The following IQCM variants were observed in gnomAD, a reference collection of about 807,000 sequenced individuals.
The protein encoded by IQCM is IQ motif containing M, also known as IQ domain-containing protein M.
Under a neutral mutation model 57.6 loss-of-function variants are expected in IQCM, and 45 were observed. The observed-to-expected ratio is 0.78, with a 90% CI of 0.62 to 1.00. The LOEUF is 1.00. Ranked by LOEUF, IQCM falls within the 50% of genes least tolerant of loss-of-function variation. The pLI is 0.00. For synonymous variants in IQCM, 148 were observed against 158.9 expected (o/e 0.93, Z 0.51); for missense variants, 468 against 511.6 (o/e 0.91, Z 0.82).
intron 12 of IQCM, among the ~76,000 whole-genome samples, chr4:149,533,199 T>C (rs1442533649): frequency 6.6e-6 from 1 of 152,186 alleles, no homozygotes; most frequent in Non-Finnish European, 1.5e-5. Flanking sequence ...ATGTGTCATT[T>C]GTTAATGTTT....
chr4:149,714,079 G>C (rs562951407), intron 5 of IQCM, among the ~76,000 whole-genome samples: 1 of 152,144 alleles, frequency 6.6e-6, no homozygotes, highest in South Asian at 2.1e-4. Context: ...AAAATAGTAG[G>C]TGTCAAGGTC....
At chr4:149,788,600 A>G (rs1174662522) in intron 2 of IQCM, among the ~76,000 whole-genome samples, 1 of 152,208 alleles carries the variant, frequency 6.6e-6, no homozygotes, top group East Asian at 1.9e-4. Flanking sequence ...TGCTCAAAAA[A>G]TTAAAAATAG....
In IQCM at chr4:149,351,771, AAATG is replaced by A. The variant is rs1187618917; in HGVS notation, c.*176_*179del. On this transcript the variant is annotated 3_prime_UTR_variant, in exon 14 of 14. Coordinates refer to ENST00000636793, the MANE Select transcript of IQCM (RefSeq NM_001363507.2). ...AGAGATGTTTTTTATGAAGGAGATC[AAATG>A]AATGGTGTTCATCCAAAAATACTAG... 5.2e-6 allele frequency: 2 copies of A among 384,140 alleles called. No individual in the cohort carries two copies. Among genetic ancestry groups the A allele is most frequent in the Non-Finnish European group, 4.6e-6 (1 of 217,950 alleles). 23.8% of individuals were successfully genotyped at this position (384,140 alleles called of 1,614,324 possible). A position where few individuals can be genotyped will look rare whatever the true frequency, so the allele number is the denominator to read the frequency against.
At chr4:149,597,365 G>A (rs903042310) in intron 8 of IQCM, among the ~76,000 whole-genome samples, 2 of 151,966 alleles carry the variant, frequency 1.3e-5, no homozygotes, top group South Asian at 2.1e-4. Context: ...GATTTATAAA[G>A]TTTTTTCTTG....
rs1748493801 is a variant in IQCM at position 149,546,853 on chromosome 4, T to G, written c.1228+1602A>C. ...GATCCCATTTGTCAATTTTGGCTTT[T>G]GTTGCCATTGCTTTTGGTGTTTTAG... is the stretch of plus-strand genomic sequence containing the variant. On this transcript the variant is annotated intron_variant, in intron 12 of 13. Transcript: ENST00000636793. 3.9e-5 allele frequency among the ~76,000 whole-genome samples: 6 copies of G among 152,196 alleles called. 1 individual carries two copies. The South Asian group carries it at 1.2e-3, about 32-fold the overall frequency.
intron 2 of IQCM, among the ~76,000 whole-genome samples, chr4:149,774,157 T>C (rs929676157): frequency 6.6e-6 from 1 of 152,170 alleles, no homozygotes; most frequent in Non-Finnish European, 1.5e-5. Context: ...CCAAGGTTTA[T>C]TTACAGAAAA....
intron 13 of IQCM, among the ~76,000 whole-genome samples, chr4:149,393,630 A>G (rs1213858587): frequency 6.6e-6 from 1 of 151,970 alleles, no homozygotes; most frequent in East Asian, 1.9e-4. Context: ...AAGAGATTTT[A>G]AAAGGATTAA....
At chr4:149,536,310 C>T (rs1453184676) in intron 12 of IQCM, among the ~76,000 whole-genome samples, 2 of 151,948 alleles carry the variant, frequency 1.3e-5, no homozygotes, top group African/African-American at 2.4e-5. Context: ...AATGATCAGA[C>T]GTATTTTAGT....
chr4:149,576,045 C>G (rs1561010859), intron 9 of IQCM, among the ~76,000 whole-genome samples: 1 of 151,790 alleles, frequency 6.6e-6, no homozygotes, highest in Admixed American at 6.6e-5. Context: ...TGCAGGAGCA[C>G]TACTTATTAT....
chr4:149,433,291 T>A, intron 13 of IQCM, 105 bp downstream of exon 13: 1 of 502,244 alleles, frequency 2.0e-6, no homozygotes, highest in Non-Finnish European at 3.1e-6. Context: ...TTCTATAAGA[T>A]CTATGTATCA....
At chr4:149,594,390 A>G (rs1753548386) in intron 8 of IQCM, among the ~76,000 whole-genome samples, 1 of 151,934 alleles carries the variant, frequency 6.6e-6, no homozygotes, top group Non-Finnish European at 1.5e-5. Context: ...AATTTTGTTG[A>G]TCTTTTCAAA....
intron 7 of IQCM, among the ~76,000 whole-genome samples, chr4:149,636,980 A>G (rs1240241730): frequency 6.6e-6 from 1 of 151,522 alleles, no homozygotes; most frequent in African/African-American, 2.4e-5. Context: ...CGCCTCTACT[A>G]AAAATACAAA....
intron 13 of IQCM, among the ~76,000 whole-genome samples, chr4:149,358,880 A>ATATACTCTCATGAGTATATCAT: frequency 1.6e-3 from 238 of 150,880 alleles, no homozygotes; most frequent in Non-Finnish European, 1.7e-3. Flanking sequence ...GTATATCATG[A>ATATACTCTCATGAGTATATCAT]GACCACAGTG....
intron 12 of IQCM, among the ~76,000 whole-genome samples, chr4:149,524,944 T>C (rs1746014416): frequency 6.6e-6 from 1 of 151,736 alleles, no homozygotes; most frequent in African/African-American, 2.4e-5. Flanking sequence ...TACCATAAAG[T>C]ACCACTATTA....
intron 12 of IQCM, among the ~76,000 whole-genome samples, chr4:149,445,706 C>G (rs1205755967): frequency 1.3e-5 from 2 of 151,730 alleles, no homozygotes; most frequent in Admixed American, 6.6e-5. Flanking sequence ...CCTTTCATAA[C>G]GGCTAACAGC....
In IQCM at chr4:149,634,755, T is replaced by C. The variant is rs148667564; in HGVS notation, c.566-13511A>G. ...CACGGACATTAGAACAATTACTATA[T>C]ATTAGTTCATATTAATAAGTTGTTA... is the stretch of plus-strand genomic sequence containing the variant. On this transcript the variant is annotated intron_variant, in intron 7 of 13. Transcript: ENST00000636793. 2.6e-5 allele frequency among the ~76,000 whole-genome samples: 4 copies of C among 152,372 alleles called. No homozygotes were observed. In the East Asian group the frequency reaches 5.8e-4, roughly 22 times the overall value.
chr4:149,405,913 T>C (rs142330444), intron 13 of IQCM, among the ~76,000 whole-genome samples: 2,197 of 147,104 alleles, frequency 0.015, 35 homozygotes, highest in African/African-American at 0.043. Context: ...TATATATTTA[T>C]CTCCATATAT....
At chr4:149,560,225 A>G (rs1227632388) in intron 10 of IQCM, among the ~76,000 whole-genome samples, 1 of 152,212 alleles carries the variant, frequency 6.6e-6, no homozygotes, top group Non-Finnish European at 1.5e-5. Context: ...AAAGAATTCT[A>G]TAACCTCCAA....
intron 2 of IQCM, among the ~76,000 whole-genome samples, chr4:149,781,990 T>A (rs969640053): frequency 2.2e-4 from 30 of 138,180 alleles, no homozygotes; most frequent in South Asian, 1.8e-3. Flanking sequence ...AAGACAATAT[T>A]TTTTTTTTAA....
Sources: allele counts gnomAD v4.1 joint callset (sites outside exome capture counted in the v4.1 genomes callset), GRCh38; gene constraint gnomAD v4.1.1; transcripts MANE v1.5; gene names NCBI Gene and HGNC (gene_info 2026-07-23, HGNC 2026-07-21).